PCDHA4: variants seen among roughly 807,000 people sequenced by gnomAD.
The protein encoded by PCDHA4 is protocadherin alpha-4.
PCDHA4 carries 49 observed loss-of-function variants against 61.4 expected under a neutral mutation model. The ratio of observed to expected loss-of-function variants is 0.80; its 90% CI spans 0.63 to 1.01. The LOEUF is 1.01. PCDHA4 is among the 50% of genes least tolerant of loss of function. PCDHA4 has a pLI of 0.00. For synonymous variants in PCDHA4, 590 were observed against 550.3 expected, an observed-to-expected ratio of 1.07 and a Z score of -1.01; for missense variants, 1,254 against 1,235.8, an observed-to-expected ratio of 1.01 and a Z score of -0.22.
At chr5:140,968,346 C>A in intron 1 of PCDHA4, 2 of 1,614,090 alleles carry the variant, frequency 1.2e-6, no homozygotes, top group Non-Finnish European at 1.7e-6. Context: ...ATTAACAGTG[C>A]CAGTGGCAGC....
intron 1 of PCDHA4, among the ~76,000 whole-genome samples, chr5:140,978,010 T>G (rs2096785841): frequency 6.6e-6 from 1 of 152,156 alleles, no homozygotes; most frequent in African/African-American, 2.4e-5. Flanking sequence ...TTTTTCACAG[T>G]GACATTTTTG....
At chr5:140,995,946 C>A (rs2097705145) in intron 3 of PCDHA4, among the ~76,000 whole-genome samples, 1 of 152,192 alleles carries the variant, frequency 6.6e-6, no homozygotes, top group South Asian at 2.1e-4. Flanking sequence ...TGACATAATG[C>A]ACGCAAAATG....
At chr5:140,966,677 A>C in intron 1 of PCDHA4, 1 of 1,313,088 alleles carries the variant, frequency 7.6e-7, no homozygotes, top group Non-Finnish European at 9.8e-7. Flanking sequence ...GCAGGGTGGC[A>C]CGAGCGGAGG....
chr5:140,992,097 A>G (rs1466699064), intron 3 of PCDHA4, among the ~76,000 whole-genome samples: 7 of 151,212 alleles, frequency 4.6e-5, no homozygotes, highest in Non-Finnish European at 1.0e-4. Flanking sequence ...GAGAAAGAGA[A>G]TTAAGGTGAG....
intron 1 of PCDHA4, among the ~76,000 whole-genome samples, chr5:140,920,824 C>T (rs537294471): frequency 3.4e-5 from 5 of 145,004 alleles, no homozygotes; most frequent in Admixed American, 1.4e-4. Context: ...AGCCTGGCGA[C>T]GGAGCAAGAC....
chr5:140,871,298 C>G (rs987284077), intron 1 of PCDHA4: 1 of 1,613,894 alleles, frequency 6.2e-7, no homozygotes, highest in Non-Finnish European at 8.5e-7. Flanking sequence ...GGCGCGTGCG[C>G]GCCGGGGAAG....
rs2150110579 is a variant in PCDHA4, at chr5:140,821,775, G to T, written c.2385+12203G>T. 1.1e-5 allele frequency: 18 copies of T among 1,605,896 alleles called. No individual in the cohort carries two copies. In the Admixed American group the frequency reaches 2.2e-4, roughly 20 times the overall value. On this transcript the variant is annotated intron_variant, in intron 1 of 3. Transcript: ENST00000530339. Reference sequence around the variant, plus strand: ...AAGCTCATAATTGGAACGAGATTGAGATGGTATATTCCCGGAGAGGAAGTC... The same window carrying T: ...AAGCTCATAATTGGAACGAGATTGATATGGTATATTCCCGGAGAGGAAGTC...
chr5:140,823,025 T>G, intron 1 of PCDHA4: 1 of 1,614,218 alleles, frequency 6.2e-7, no homozygotes, highest in Non-Finnish European at 8.5e-7. Flanking sequence ...CGCGAGAGCG[T>G]GTCGGTCTAT....
chr5:140,859,712 A>G (rs1396254172), intron 1 of PCDHA4: 1 of 154,176 alleles, frequency 6.5e-6, no homozygotes, highest in African/African-American at 2.4e-5. Flanking sequence ...GGAACACCAA[A>G]AAAAAATTGT....
At chr5:140,886,903 A>G (rs1432603652) in intron 1 of PCDHA4, among the ~76,000 whole-genome samples, 1 of 152,188 alleles carries the variant, frequency 6.6e-6, no homozygotes, top group East Asian at 1.9e-4. Context: ...CATTTAATAA[A>G]TACTTATTGA....
intron 1 of PCDHA4, among the ~76,000 whole-genome samples, chr5:140,889,614 AT>A (rs1488109035): frequency 5.9e-5 from 9 of 151,496 alleles, no homozygotes; most frequent in Admixed American, 5.9e-4. Flanking sequence ...AATTATACTG[AT>A]TCATTTCTCT....
chr5:140,925,124 A>AGG (rs1554202565), intron 1 of PCDHA4, among the ~76,000 whole-genome samples: 1 of 151,856 alleles, frequency 6.6e-6, no homozygotes, highest in African/African-American at 2.4e-5. Flanking sequence ...GAAGGAAGGA[A>AGG]AAAAAATTTC....
intron 1 of PCDHA4, among the ~76,000 whole-genome samples, chr5:140,973,299 T>C (rs1191449890): frequency 1.3e-5 from 2 of 152,198 alleles, no homozygotes; most frequent in African/African-American, 4.8e-5. Flanking sequence ...TTCTATCTGA[T>C]GACTCTATCC....
chr5:140,898,118 A>T (rs2153459272), intron 1 of PCDHA4, among the ~76,000 whole-genome samples: 1 of 151,730 alleles, frequency 6.6e-6, no homozygotes, highest in Non-Finnish European at 1.5e-5. Context: ...GGTTGCGAAA[A>T]TTTTCTCCCA....
At chr5:140,923,142 T>TA (rs1262526439) in intron 1 of PCDHA4, among the ~76,000 whole-genome samples, 1 of 152,006 alleles carries the variant, frequency 6.6e-6, no homozygotes, top group African/African-American at 2.4e-5. Context: ...AGGTGGAATA[T>TA]AAAAAAAATT....
At chr5:140,954,498 G>T (rs2095045375) in intron 1 of PCDHA4, among the ~76,000 whole-genome samples, 1 of 152,156 alleles carries the variant, frequency 6.6e-6, no homozygotes, top group Non-Finnish European at 1.5e-5. Context: ...TTGTGGTTTT[G>T]ATTTGCATTT....
chr5:140,918,387 C>A (rs1554198606), intron 1 of PCDHA4, among the ~76,000 whole-genome samples: 1 of 152,142 alleles, frequency 6.6e-6, no homozygotes, highest in Non-Finnish European at 1.5e-5. Context: ...TTATTTCTTT[C>A]TCTTGCCTGA....
rs2150531861 is a variant in PCDHA4, at chr5:140,853,433, C to T, written c.2385+43861C>T. Reference sequence around the variant, plus strand: ...AGGTGAAAGCAGAAGAGACACTTTCCTATTTTGCCTAATAGGTCTCCTTAT... The same window carrying T: ...AGGTGAAAGCAGAAGAGACACTTTCTTATTTTGCCTAATAGGTCTCCTTAT... On this transcript the variant is annotated intron_variant, in intron 1 of 3. Coordinates refer to ENST00000530339, the MANE Select transcript of PCDHA4 (RefSeq NM_018907.4). The T allele has an allele frequency of 2.1e-5, 21 of 984,946 alleles. 3 individuals carry two copies. The highest frequency in any genetic ancestry group is 2.3e-5 in the Non-Finnish European group (19 of 817,128). 61.0% of individuals were successfully genotyped at this position (984,946 alleles called of 1,614,324 possible).
intron 1 of PCDHA4, among the ~76,000 whole-genome samples, chr5:140,889,730 A>C (rs1554184026): frequency 6.6e-6 from 1 of 152,198 alleles, no homozygotes; most frequent in East Asian, 1.9e-4. Flanking sequence ...TGTCTCACTG[A>C]GTAGCAGAGT....
Sources: allele counts gnomAD v4.1 joint callset (sites outside exome capture counted in the v4.1 genomes callset), GRCh38; gene constraint gnomAD v4.1.1; transcripts MANE v1.5; gene names NCBI Gene and HGNC (gene_info 2026-07-23, HGNC 2026-07-21).